The following DCC variants were observed in gnomAD, a reference collection of about 807,000 sequenced individuals.
DCC encodes the protein DCC netrin 1 receptor.
In DCC, 58 loss-of-function variants were observed where a neutral mutation model predicts 172.5. The observed-to-expected ratio is 0.34, with a 90% CI of 0.27 to 0.42. The LOEUF is 0.42. Ranked by LOEUF, DCC falls within the 10% of genes least tolerant of loss-of-function variation. The probability of loss-of-function intolerance (pLI) is 1.00; values close to 1 mark genes in which losing one functional copy is unlikely to be tolerated. For missense variants in DCC, 1,740 were observed against 1,791.0 expected (o/e 0.97, Z 0.51); for synonymous variants, 709 against 644.5 (o/e 1.10, Z -1.52).
At chr18:53,507,563 G>C (rs539344993) in intron 27 of DCC, among the ~76,000 whole-genome samples, 60 of 152,116 alleles carry the variant, frequency 3.9e-4, no homozygotes, top group Non-Finnish European at 6.3e-4. Context: ...TTATCTCCAG[G>C]ATCTCCTTAT....
intron 2 of DCC, among the ~76,000 whole-genome samples, chr18:52,895,011 G>A (rs989670105): frequency 3.3e-5 from 5 of 152,210 alleles, no homozygotes; most frequent in Admixed American, 2.6e-4. Flanking sequence ...TGAATGAGTG[G>A]GTGATCTGGG....
At chr18:52,466,975 A>T (rs966376962) in intron 1 of DCC, among the ~76,000 whole-genome samples, 2 of 152,096 alleles carry the variant, frequency 1.3e-5, no homozygotes, top group Admixed American at 6.5e-5. Context: ...AAATCTAGGT[A>T]GCCTGAGTTT....
chr18:52,555,376 T>C (rs1335896574), intron 1 of DCC, among the ~76,000 whole-genome samples: 1 of 152,144 alleles, frequency 6.6e-6, no homozygotes, highest in Non-Finnish European at 1.5e-5. Flanking sequence ...CAATTTGCTA[T>C]GTATTAATGA....
rs147086661 is a variant in DCC at position 52,609,739 on chromosome 18, T to C, written c.92-142315T>C. Among the ~76,000 whole-genome samples the C allele has an allele frequency of 3.8e-3, 574 of 152,140 alleles. 6 individuals carry two copies. Among genetic ancestry groups the C allele is most frequent in the African/African-American group, 0.013 (544 of 41,498 alleles). On this transcript the variant is annotated intron_variant, in intron 1 of 28. Transcript: ENST00000442544. Reference sequence around the variant, plus strand: ...ACGGGGACCTGAAAAAAAAAAATCTTTGTCAAATTATGTGTTCTGAATTTT... The same window carrying C: ...ACGGGGACCTGAAAAAAAAAAATCTCTGTCAAATTATGTGTTCTGAATTTT...
At chr18:52,431,451 A>G (rs1598813065) in intron 1 of DCC, among the ~76,000 whole-genome samples, 3 of 152,252 alleles carry the variant, frequency 2.0e-5, no homozygotes, top group African/African-American at 4.8e-5. Flanking sequence ...CGAGAATCCA[A>G]TTAGTGCCAC....
chr18:53,242,396 C>T (rs917926619), intron 12 of DCC, among the ~76,000 whole-genome samples: 3 of 152,098 alleles, frequency 2.0e-5, no homozygotes, highest in African/African-American at 7.2e-5. Flanking sequence ...CATAAAACAC[C>T]TAACACATTA....
chr18:52,434,971 C>T (rs571906992), intron 1 of DCC, among the ~76,000 whole-genome samples: 7 of 152,222 alleles, frequency 4.6e-5, no homozygotes, highest in East Asian at 3.9e-4. Flanking sequence ...ACCTTTCTTG[C>T]GAGTAATCAT....
At chr18:53,212,747 T>G (rs1301888504) in intron 11 of DCC, among the ~76,000 whole-genome samples, 1 of 151,964 alleles carries the variant, frequency 6.6e-6, no homozygotes, top group African/African-American at 2.4e-5. Flanking sequence ...CTCAGCTCAC[T>G]GCAGCCTCCA....
At chr18:52,831,898 G>GT (rs2038620831) in intron 2 of DCC, among the ~76,000 whole-genome samples, 1 of 152,060 alleles carries the variant, frequency 6.6e-6, no homozygotes, top group Admixed American at 6.6e-5. Context: ...CTATAAAGGA[G>GT]TATCTGAAGA....
In DCC at chr18:53,314,024, T is replaced by C. The variant is rs573893427; in HGVS notation, c.2054-8023T>C. Reference sequence around the variant, plus strand: ...TACATCTATGAAACGCTTGATTTTATAAATCACTTTTACAGGCAATTTTTC... The same window carrying C: ...TACATCTATGAAACGCTTGATTTTACAAATCACTTTTACAGGCAATTTTTC... On this transcript the variant is annotated intron_variant, in intron 13 of 28. Transcript: ENST00000442544. Among the ~76,000 whole-genome samples the C allele has an allele frequency of 1.0e-3, 156 of 152,366 alleles. No homozygotes were observed. In the South Asian group the frequency reaches 0.01, roughly 10 times the overall value.
At chr18:52,925,653 TAATA>T (rs538585942) in intron 5 of DCC, among the ~76,000 whole-genome samples, 421 of 152,120 alleles carry the variant, frequency 2.8e-3, no homozygotes, top group African/African-American at 9.7e-3. Context: ...ATGTGTTGAA[TAATA>T]AATATGATAT....
chr18:53,146,291 AGTTC>A (rs2043913001), intron 7 of DCC, among the ~76,000 whole-genome samples: 1 of 152,352 alleles, frequency 6.6e-6, no homozygotes, highest in African/African-American at 2.4e-5. Flanking sequence ...TATTTCTTAC[AGTTC>A]TGGAGGCTGG....
At chr18:52,976,017 C>T (rs760125755) in intron 5 of DCC, among the ~76,000 whole-genome samples, 10 of 152,050 alleles carry the variant, frequency 6.6e-5, no homozygotes, top group Non-Finnish European at 1.2e-4. Flanking sequence ...CTTGCCAGCT[C>T]CTGTTATTTT....
At chr18:52,988,412 C>T (rs770685108) in intron 5 of DCC, among the ~76,000 whole-genome samples, 3 of 152,030 alleles carry the variant, frequency 2.0e-5, no homozygotes, top group Non-Finnish European at 2.9e-5. Flanking sequence ...AAGGATTGCT[C>T]CTCTGTAGAC....
intron 1 of DCC, among the ~76,000 whole-genome samples, chr18:52,606,138 G>C (rs139404078): frequency 6.6e-6 from 1 of 151,978 alleles, no homozygotes; most frequent in African/African-American, 2.4e-5. Flanking sequence ...GTGTGAAATT[G>C]CCACTTCTAT....
intron 9 of DCC, among the ~76,000 whole-genome samples, chr18:53,204,237 G>T (rs569844871): frequency 1.3e-5 from 2 of 151,888 alleles, no homozygotes; most frequent in African/African-American, 4.8e-5. Flanking sequence ...AAATCTGAAA[G>T]TTTCAAAATC....
intron 1 of DCC, among the ~76,000 whole-genome samples, chr18:52,556,145 A>AT (rs200771804): frequency 0.041 from 6,271 of 152,224 alleles, 161 homozygotes; most frequent in Non-Finnish European, 0.054. Context: ...CTAAATACCA[A>AT]TCCTATACAT....
At chr18:53,515,386 T>C (rs369358658) in intron 27 of DCC, among the ~76,000 whole-genome samples, 34 of 151,000 alleles carry the variant, frequency 2.3e-4, no homozygotes, top group African/African-American at 7.7e-4. Flanking sequence ...TGAAAACTGG[T>C]ACAAGACAGG....
chr18:52,592,321 T>A (rs1223010078), intron 1 of DCC, among the ~76,000 whole-genome samples: 1 of 152,208 alleles, frequency 6.6e-6, no homozygotes, highest in Non-Finnish European at 1.5e-5. Context: ...TCTCAGAATT[T>A]GATTAATATA....
Sources: allele counts gnomAD v4.1 joint callset (sites outside exome capture counted in the v4.1 genomes callset), GRCh38; gene constraint gnomAD v4.1.1; transcripts MANE v1.5; gene names NCBI Gene and HGNC (gene_info 2026-07-23, HGNC 2026-07-21).